CACNA2D3: variants seen among roughly 807,000 people sequenced by gnomAD.
The protein encoded by CACNA2D3 is calcium voltage-gated channel auxiliary subunit alpha2delta 3.
A neutral mutation model predicts 160.6 loss-of-function variants in CACNA2D3; 60 were observed. The ratio of observed to expected loss-of-function variants is 0.37; its 90% confidence interval spans 0.30 to 0.46. CACNA2D3 has a LOEUF of 0.46. Among genes scored for constraint, CACNA2D3 ranks in the 20% least tolerant of loss-of-function variants. CACNA2D3 has a pLI of 1.00. For missense variants in CACNA2D3, 1,205 were observed against 1,365.0 expected (o/e 0.88, Z 1.85); for synonymous variants, 558 against 492.9 (o/e 1.13, Z -1.75).
intron 6 of CACNA2D3, among the ~76,000 whole-genome samples, chr3:54,565,302 G>A (rs969662925): frequency 4.6e-5 from 7 of 152,186 alleles, no homozygotes; most frequent in Non-Finnish European, 5.9e-5. Context: ...ATGCTAAGCT[G>A]AGGGAAATAG....
chr3:54,834,297 A>T (rs1206550002), intron 14 of CACNA2D3, among the ~76,000 whole-genome samples: 104 of 152,292 alleles, frequency 6.8e-4, no homozygotes, highest in Non-Finnish European at 2.9e-4. Flanking sequence ...TGAGTTGCAA[A>T]GTGGAAGTTG....
intron 2 of CACNA2D3, among the ~76,000 whole-genome samples, chr3:54,170,571 C>A (rs922546644): frequency 1.1e-4 from 17 of 152,260 alleles, no homozygotes; most frequent in Middle Eastern, 3.4e-3. Flanking sequence ...CTGTGTTGAT[C>A]ATTTTGTCCT....
At chr3:54,584,178 G>T (rs1702723368) in intron 9 of CACNA2D3, among the ~76,000 whole-genome samples, 1 of 152,042 alleles carries the variant, frequency 6.6e-6, no homozygotes. Context: ...CAATTAAAAT[G>T]CCACGAACTG....
intron 8 of CACNA2D3, among the ~76,000 whole-genome samples, chr3:54,579,656 C>T (rs1315625752): frequency 6.6e-6 from 1 of 152,136 alleles, no homozygotes; most frequent in Non-Finnish European, 1.5e-5. Context: ...CACCCTAAAC[C>T]AAATGAGTCA....
chr3:54,829,867 TTTC>T (rs948183202), intron 14 of CACNA2D3, among the ~76,000 whole-genome samples: 8 of 150,962 alleles, frequency 5.3e-5, no homozygotes, highest in African/African-American at 9.8e-5. Context: ...CTGCATATCT[TTTC>T]TTCTTCTTCT....
At chr3:54,591,575 T>TTG (rs1553741953) in intron 9 of CACNA2D3, among the ~76,000 whole-genome samples, 4 of 150,788 alleles carry the variant, frequency 2.7e-5, no homozygotes, top group East Asian at 3.9e-4. Context: ...AAGTTTTTTT[T>TTG]TTTTTTTTTT....
At chr3:54,869,187 C>T (rs536390653) in intron 17 of CACNA2D3, among the ~76,000 whole-genome samples, 54 of 152,318 alleles carry the variant, frequency 3.5e-4, no homozygotes, top group African/African-American at 1.3e-3. Context: ...AGCTCTTTAA[C>T]AGTGGTTGAA....
At chr3:54,262,528 TAATTA>T (rs1173579879) in intron 2 of CACNA2D3, among the ~76,000 whole-genome samples, 1 of 152,312 alleles carries the variant, frequency 6.6e-6, no homozygotes, top group African/African-American at 2.4e-5. Context: ...CAAAGTTATG[TAATTA>T]AATATGTTCA....
chr3:54,579,483 G>A (rs1702639976), intron 8 of CACNA2D3, among the ~76,000 whole-genome samples: 1 of 152,290 alleles, frequency 6.6e-6, no homozygotes, highest in Non-Finnish European at 1.5e-5. Flanking sequence ...GCAGGAAAAC[G>A]TTTCATTGAA....
chr3:54,604,715 A>C (rs1243703823), intron 9 of CACNA2D3, among the ~76,000 whole-genome samples: 1 of 152,186 alleles, frequency 6.6e-6, no homozygotes, highest in Non-Finnish European at 1.5e-5. Flanking sequence ...GAATCTTGGC[A>C]GTAACCTTCT....
At chr3:54,346,600 C>T (rs1698462384) in intron 3 of CACNA2D3, among the ~76,000 whole-genome samples, 1 of 152,136 alleles carries the variant, frequency 6.6e-6, no homozygotes, top group African/African-American at 2.4e-5. Flanking sequence ...CCATTTACCT[C>T]CTTCCTGCCC....
chr3:54,682,797 C>T (rs1326549978), intron 11 of CACNA2D3, among the ~76,000 whole-genome samples: 2 of 152,028 alleles, frequency 1.3e-5, no homozygotes, highest in Non-Finnish European at 2.9e-5. Context: ...GATTCCCAAG[C>T]AGTAGGCTTG....
intron 5 of CACNA2D3, among the ~76,000 whole-genome samples, chr3:54,504,716 G>A (rs1701342480): frequency 6.6e-6 from 1 of 152,154 alleles, no homozygotes; most frequent in Non-Finnish European, 1.5e-5. Context: ...ATATACAAGA[G>A]CTCAGTAGTC....
chr3:54,625,493 T>A (rs1699077206), intron 9 of CACNA2D3, among the ~76,000 whole-genome samples: 1 of 152,090 alleles, frequency 6.6e-6, no homozygotes, highest in Non-Finnish European at 1.5e-5. Context: ...TTGCACTGTA[T>A]TTTTTAAGGG....
rs1699192694 is a variant in CACNA2D3, at chr3:54,386,698, T to TTTG, written c.322-15_322-14insGTT. The TTTG allele has an allele frequency of 7.2e-7, 1 of 1,395,698 alleles. No individual in the cohort carries two copies. Among genetic ancestry groups the TTTG allele is most frequent in the Non-Finnish European group, 9.5e-7 (1 of 1,050,242 alleles). The allele number at this position is 1,395,698 out of a possible 1,614,324, so 86.5% of individuals were successfully genotyped here. ...TGATCCTTAATGCTGTCTTCTGTTT[T>TTTG]TTTTTTTTTTTTTTAGCGTCTGGTG... On this transcript the variant is annotated splice_polypyrimidine_tract_variant and intron_variant, in intron 3 of 37. Coordinates refer to ENST00000474759, the MANE Select transcript of CACNA2D3 (RefSeq NM_018398.3).
chr3:54,961,833 C>T (rs991106364), intron 27 of CACNA2D3, among the ~76,000 whole-genome samples: 1 of 152,004 alleles, frequency 6.6e-6, no homozygotes, highest in South Asian at 2.1e-4. Context: ...GTGGTAGAAG[C>T]CGGGTAATTT....
intron 11 of CACNA2D3, among the ~76,000 whole-genome samples, chr3:54,688,972 A>G (rs1700517601): frequency 1.0e-5 from 1 of 99,662 alleles, no homozygotes; most frequent in Non-Finnish European, 1.8e-5. Flanking sequence ...ACAGTGTGAG[A>G]CTGTCTCAAA....
Position 54,961,834 on chromosome 3 carries a change from C to T in CACNA2D3, c.2450-6616C>T, listed in dbSNP as rs915699878. On this transcript the variant is annotated intron_variant, in intron 27 of 37. Coordinates refer to ENST00000474759, the MANE Select transcript of CACNA2D3 (RefSeq NM_018398.3). The stretch of plus-strand genomic sequence containing the variant: ...TTGCTTTTAACAGAGTGGTAGAAGC[C>T]GGGTAATTTGTAAAGAAAAGGAATT... Among the ~76,000 whole-genome samples, 7 of 151,972 alleles carry T rather than the reference C, an allele frequency of 4.6e-5. 1 individual carries two copies.
chr3:54,427,107 A>G (rs991663194), intron 4 of CACNA2D3, among the ~76,000 whole-genome samples: 3 of 152,068 alleles, frequency 2.0e-5, no homozygotes, highest in Non-Finnish European at 4.4e-5. Flanking sequence ...ACCAGAAGGC[A>G]GGAACGAGAC....
Sources: gnomAD v4.1 joint callset for allele counts (sites outside exome capture counted in the v4.1 genomes callset) on GRCh38, gnomAD v4.1.1 for gene constraint, MANE v1.5 for transcripts, NCBI Gene and HGNC (gene_info 2026-07-23, HGNC 2026-07-21) for gene names.